RHOBTB2: variants seen among roughly 807,000 people sequenced by gnomAD.
RHOBTB2 encodes Rho related BTB domain containing 2.
Under a neutral mutation model 66.5 loss-of-function variants are expected in RHOBTB2, and 39 were observed. The ratio of observed to expected loss-of-function variants is 0.59; its 90% CI spans 0.45 to 0.77. The LOEUF (loss-of-function observed/expected upper bound fraction) is 0.77. Ranked by LOEUF, RHOBTB2 falls within the 30% of genes least tolerant of loss-of-function variation. The pLI is 0.00. For synonymous variants in RHOBTB2, 390 were observed against 395.0 expected (o/e 0.99, Z 0.15); for missense variants, 755 against 999.1 (o/e 0.76, Z 3.29).
the RHOBTB2 span, among the ~76,000 whole-genome samples, chr8:22,960,148 A>G: frequency 5.8e-4 from 88 of 150,818 alleles, no homozygotes; most frequent in African/African-American, 2.1e-3. Flanking sequence ...ACGGCACTGT[A>G]CTCTAGCCTG....
At chr8:22,980,521 C>G in the RHOBTB2 span, among the ~76,000 whole-genome samples, 1 of 152,104 alleles carries the variant, frequency 6.6e-6, no homozygotes, top group Non-Finnish European at 1.5e-5. Flanking sequence ...TCAATTGTTA[C>G]ATTAGAATAT....
intron 1 of RHOBTB2, among the ~76,000 whole-genome samples, chr8:23,002,354 A>C (rs1810808584): frequency 6.6e-6 from 1 of 152,122 alleles, no homozygotes; most frequent in African/African-American, 2.4e-5. Context: ...AGTTCAGGAG[A>C]GAGAATTGGG....
chr8:22,980,697 T>C, the RHOBTB2 span, among the ~76,000 whole-genome samples: 1 of 152,220 alleles, frequency 6.6e-6, no homozygotes, highest in Non-Finnish European at 1.5e-5. Flanking sequence ...CAAAGTGAAA[T>C]TCTGAACTAA....
the RHOBTB2 span, among the ~76,000 whole-genome samples, chr8:22,974,869 T>G: frequency 6.6e-6 from 1 of 152,136 alleles, no homozygotes; most frequent in Non-Finnish European, 1.5e-5. Flanking sequence ...CTACACGAAC[T>G]TTAAAGACCC....
chr8:22,996,522 T>C (rs997377983), upstream of RHOBTB2, among the ~76,000 whole-genome samples: 1 of 115,004 alleles, frequency 8.7e-6, no homozygotes, highest in South Asian at 2.6e-4. Context: ...TGTGTGTGTG[T>C]GTGTGTGTGT....
At chr8:22,978,954 C>T in the RHOBTB2 span, among the ~76,000 whole-genome samples, 1 of 152,040 alleles carries the variant, frequency 6.6e-6, no homozygotes, top group African/African-American at 2.4e-5. Context: ...CTTCCTTTAT[C>T]TTATATATGG....
chr8:22,977,773 A>T, the RHOBTB2 span: 2 of 152,196 alleles, frequency 1.3e-5, no homozygotes, highest in Non-Finnish European at 2.9e-5. Flanking sequence ...ATGATTATCA[A>T]CTGGGTACTA....
In RHOBTB2 at chr8:23,007,013, C is replaced by T. The variant is rs139789090; in HGVS notation, c.768C>T (p.Pro256=). The part of the protein sequence containing the change: ...PDPPSSSEEC[P]AHLLEDPLCA... ...CTCCCTCCAGCAGCGAGGAGTGCCC[C>T]GCCCACCTCCTGGAGGACCCGCTCT... The change falls in exon 5 of 10, where the codon CCC becomes CCT. Residue 256 remains proline (P), a synonymous_variant. Transcript: ENST00000251822. The T allele has an allele frequency of 9.5e-4, 1,535 of 1,608,628 alleles. 14 individuals are homozygous for T. The Admixed American group carries it at 0.021, about 22-fold the overall frequency.
At chr8:22,986,256 A>T (rs1810286800), upstream of RHOBTB2, among the ~76,000 whole-genome samples, 1 of 143,080 alleles carries the variant, frequency 7.0e-6, no homozygotes, top group East Asian at 2.1e-4. Flanking sequence ...TTCCCAGCCC[A>T]GTGCATTGCT....
intron 7 of RHOBTB2, among the ~76,000 whole-genome samples, chr8:23,012,573 T>C (rs745832177): frequency 8.5e-5 from 13 of 152,212 alleles, no homozygotes; most frequent in Non-Finnish European, 1.6e-4. Context: ...AGAACACAAA[T>C]ACATAAAAGC....
chr8:22,994,575 C>G, upstream of RHOBTB2: 1 of 1,551,210 alleles, frequency 6.4e-7, no homozygotes, highest in Non-Finnish European at 8.7e-7. Context: ...CTGGAGGGAA[C>G]ACAGAGCGAT....
chr8:22,955,039 G>A, the RHOBTB2 span, among the ~76,000 whole-genome samples: 1 of 152,198 alleles, frequency 6.6e-6, no homozygotes, highest in African/African-American at 2.4e-5. Context: ...GCTGAGGCAC[G>A]AGAATTGCTT....
chr8:22,970,548 G>A, the RHOBTB2 span, among the ~76,000 whole-genome samples: 1 of 151,622 alleles, frequency 6.6e-6, no homozygotes, highest in Non-Finnish European at 1.5e-5. Context: ...CTGCAGTGAG[G>A]TATAATCATG....
At chr8:22,970,946 A>G in the RHOBTB2 span, among the ~76,000 whole-genome samples, 1 of 152,114 alleles carries the variant, frequency 6.6e-6, no homozygotes, top group Non-Finnish European at 1.5e-5. Flanking sequence ...CAGTGTAATC[A>G]TTACAAACCT....
the RHOBTB2 span, among the ~76,000 whole-genome samples, chr8:22,955,263 G>A: frequency 1.3e-5 from 2 of 152,160 alleles, no homozygotes; most frequent in Admixed American, 6.5e-5. Context: ...GCAAAAGCGG[G>A]GAAGCTCTAG....
the RHOBTB2 span, among the ~76,000 whole-genome samples, chr8:22,973,608 T>C: frequency 6.6e-6 from 1 of 152,162 alleles, no homozygotes. Context: ...GTATCAGCAG[T>C]GCCCAGCCCG....
the RHOBTB2 span, among the ~76,000 whole-genome samples, chr8:22,956,066 G>A: frequency 2.0e-5 from 3 of 152,190 alleles, no homozygotes; most frequent in East Asian, 1.9e-4. Flanking sequence ...TTCATGGGGT[G>A]TATTTTTTCC....
At chr8:23,005,351 A>C (rs1378905528) in intron 2 of RHOBTB2, 21 bp from the exon 3 acceptor site, 1 of 1,591,330 alleles carries the variant, frequency 6.3e-7, no homozygotes, top group Admixed American at 1.7e-5. Context: ...TTCGAGTCCC[A>C]CTCTTCCTCC....
the RHOBTB2 span, among the ~76,000 whole-genome samples, chr8:22,976,826 A>G: frequency 4.6e-5 from 7 of 151,850 alleles, no homozygotes; most frequent in South Asian, 2.1e-4. Flanking sequence ...GGGTTTTGCT[A>G]TATTGGCCAG....
Sources: allele counts gnomAD v4.1 joint callset (sites outside exome capture counted in the v4.1 genomes callset), GRCh38; gene constraint gnomAD v4.1.1; transcripts MANE v1.5; gene names NCBI Gene and HGNC (gene_info 2026-07-23, HGNC 2026-07-21).